Variants in PHLPP1 observed in about 807,000 individuals in gnomAD.
PHLPP1 encodes PH domain and leucine rich repeat protein phosphatase 1.
PHLPP1 carries 42 observed loss-of-function variants against 117.2 expected under a neutral mutation model. That is an observed-to-expected ratio of 0.36 (90% confidence interval 0.28 to 0.46). PHLPP1 has a LOEUF of 0.46. Ranked by LOEUF, PHLPP1 falls within the 20% of genes least tolerant of loss-of-function variation. The pLI is 1.00. For missense variants in PHLPP1, 2,084 were observed against 2,241.9 expected (o/e 0.93, Z 1.42); for synonymous variants, 1,042 against 970.7 (o/e 1.07, Z -1.37).
intron 3 of PHLPP1, among the ~76,000 whole-genome samples, chr18:62,849,678 G>A (rs1915274887): frequency 6.9e-6 from 1 of 145,452 alleles, no homozygotes; most frequent in African/African-American, 2.6e-5. Flanking sequence ...AATCTACCAG[G>A]CATGGTGAAT....
chr18:62,937,034 T>A (rs1314441352), intron 10 of PHLPP1, among the ~76,000 whole-genome samples: 1 of 152,228 alleles, frequency 6.6e-6, no homozygotes, highest in Non-Finnish European at 1.5e-5. Flanking sequence ...CAGTACAGAT[T>A]TCCAGAAAAA....
chr18:62,878,334 C>G (rs868713505), intron 4 of PHLPP1, among the ~76,000 whole-genome samples: 1 of 152,090 alleles, frequency 6.6e-6, no homozygotes, highest in Non-Finnish European at 1.5e-5. Flanking sequence ...CTTTGGTTGC[C>G]GGTATGAGAA....
At chr18:62,924,674 TTGA>T in intron 10 of PHLPP1, among the ~76,000 whole-genome samples, 1 of 56,126 alleles carries the variant, frequency 1.8e-5, no homozygotes, top group Non-Finnish European at 3.9e-5. Flanking sequence ...TCACTACAAA[TTGA>T]AAAAAAAAAA....
intron 2 of PHLPP1, among the ~76,000 whole-genome samples, chr18:62,836,271 T>C (rs1043643070): frequency 6.6e-6 from 1 of 150,988 alleles, no homozygotes; most frequent in African/African-American, 2.4e-5. Context: ...CTGTCTTTAC[T>C]AAAAATACAA....
chr18:62,945,408 T>C, intron 12 of PHLPP1, 137 bp downstream of exon 12: 1 of 648,092 alleles, frequency 1.5e-6, no homozygotes, highest in Admixed American at 3.6e-5. Flanking sequence ...TACTTCCTCC[T>C]TCCTAACCAA....
Position 62,838,799 on chromosome 18 carries a change from A to G in PHLPP1, c.1789A>G (p.Lys597Glu), listed in dbSNP as rs1439616967. Residue 597 changes from lysine (K) to glutamate (E), a missense_variant, in exon 3 of 17, where the codon AAG becomes GAG. Lys to Glu is a moderately conservative substitution (Grantham distance 56, BLOSUM62 1). Coordinates refer to ENST00000262719, the MANE Select transcript of PHLPP1 (RefSeq NM_194449.4). ...LIGGKVEEVK[K>E]HQHCLAFSSS... is the part of the protein sequence containing the mutation. ...GCTTTTATAGGTAGAAGAAGTGAAA[A>G]AGCACCAACACTGTTTAGCATTTAG... is the stretch of plus-strand genomic sequence containing the variant. 1 of 1,613,762 alleles carries G rather than the reference A, an allele frequency of 6.2e-7. No homozygotes were observed. The highest frequency in any genetic ancestry group is 1.7e-5 in the Admixed American group (1 of 60,004).
chr18:62,856,196 TC>T (rs1390626834), intron 3 of PHLPP1, among the ~76,000 whole-genome samples: 1 of 152,066 alleles, frequency 6.6e-6, no homozygotes, highest in Non-Finnish European at 1.5e-5. Context: ...CAGGAGCTAA[TC>T]CCCAGTGGAT....
At chr18:62,866,714 G>A (rs1480973479) in intron 4 of PHLPP1, among the ~76,000 whole-genome samples, 1 of 152,192 alleles carries the variant, frequency 6.6e-6, no homozygotes, top group African/African-American at 2.4e-5. Flanking sequence ...ATATCCAGGT[G>A]GAGGGATATT....
intron 6 of PHLPP1, among the ~76,000 whole-genome samples, chr18:62,900,489 G>T (rs1735420515): frequency 9.0e-6 from 1 of 111,242 alleles, no homozygotes; most frequent in Non-Finnish European, 1.7e-5. Flanking sequence ...TGTTACCCAA[G>T]CTGGAATGCA....
At position 62,952,042 on chromosome 18, in the gene PHLPP1, T is replaced by A. The variant is rs370878158; in HGVS notation, c.3325-6587T>A. 6.6e-5 allele frequency among the ~76,000 whole-genome samples: 10 copies of A among 151,848 alleles called. No homozygotes were observed. The South Asian group carries it at 1.0e-3, about 16-fold the overall frequency. On this transcript the variant is annotated intron_variant, in intron 12 of 16. Transcript: ENST00000262719. Reference sequence around the variant, plus strand: ...GCCATGTTAGCCAGGATGGTCTCGATCTCCTGACCTCATGATCCACCCGCC... The same window carrying A: ...GCCATGTTAGCCAGGATGGTCTCGAACTCCTGACCTCATGATCCACCCGCC...
At chr18:62,789,753 G>T (rs1455489639) in intron 1 of PHLPP1, among the ~76,000 whole-genome samples, 1 of 152,120 alleles carries the variant, frequency 6.6e-6, no homozygotes, top group Non-Finnish European at 1.5e-5. Context: ...ATAGGGCTGG[G>T]AAGTTCTGAG....
intron 3 of PHLPP1, chr18:62,842,987 A>G (rs1340156249): frequency 6.6e-6 from 1 of 152,210 alleles, no homozygotes; most frequent in Non-Finnish European, 1.5e-5. Context: ...ATATGCCTAC[A>G]GGGAATTTGA....
chr18:62,955,581 G>A (rs1008549553), intron 12 of PHLPP1, among the ~76,000 whole-genome samples: 2 of 152,116 alleles, frequency 1.3e-5, no homozygotes, highest in African/African-American at 4.8e-5. Flanking sequence ...AAACAGTCCT[G>A]GGCAGAGGGG....
At chr18:62,903,714 C>T (rs1048213276) in intron 7 of PHLPP1, among the ~76,000 whole-genome samples, 4 of 150,036 alleles carry the variant, frequency 2.7e-5, no homozygotes, top group Non-Finnish European at 4.4e-5. Context: ...AGGCTGCGGT[C>T]GTCTGAGATC....
At chr18:62,745,358 C>T (rs548151778) in intron 1 of PHLPP1, among the ~76,000 whole-genome samples, 1 of 152,270 alleles carries the variant, frequency 6.6e-6, no homozygotes, top group South Asian at 2.1e-4. Flanking sequence ...TTCTTATTCC[C>T]TAGTGGTTAT....
intron 1 of PHLPP1, among the ~76,000 whole-genome samples, chr18:62,745,686 T>C (rs1367227440): frequency 6.6e-6 from 1 of 152,222 alleles, no homozygotes; most frequent in Admixed American, 6.5e-5. Context: ...TTTTAAACCA[T>C]TTCAGTATTG....
intron 1 of PHLPP1, among the ~76,000 whole-genome samples, chr18:62,735,345 A>G (rs943653948): frequency 6.6e-6 from 1 of 152,034 alleles, no homozygotes; most frequent in Non-Finnish European, 1.5e-5. Flanking sequence ...TGGCCTCCCA[A>G]AGTGCTGGGA....
At chr18:62,746,287 C>T (rs568262960) in intron 1 of PHLPP1, among the ~76,000 whole-genome samples, 2 of 152,274 alleles carry the variant, frequency 1.3e-5, no homozygotes, top group African/African-American at 4.8e-5. Context: ...TCAGGTGATC[C>T]ACCCTCCTTG....
At chr18:62,934,189 T>C (rs957037622) in intron 10 of PHLPP1, among the ~76,000 whole-genome samples, 1 of 152,120 alleles carries the variant, frequency 6.6e-6, no homozygotes, top group Non-Finnish European at 1.5e-5. Context: ...AATAGAAATA[T>C]CATTCCACCC....
Sources: allele counts gnomAD v4.1 joint callset (sites outside exome capture counted in the v4.1 genomes callset), GRCh38; gene constraint gnomAD v4.1.1; transcripts MANE v1.5; gene names NCBI Gene and HGNC (gene_info 2026-07-23, HGNC 2026-07-21).